Variants in SIM1 observed in about 807,000 individuals in gnomAD.
SIM1 encodes the protein single-minded homolog 1.
A neutral mutation model predicts 78.2 loss-of-function variants in SIM1; 18 were observed. The observed-to-expected ratio is 0.23, with a 90% CI of 0.16 to 0.34. The LOEUF (loss-of-function observed/expected upper bound fraction) is 0.34, where lower values mean the gene tolerates loss of function less well. SIM1 is among the 10% of genes least tolerant of loss of function. The probability of loss-of-function intolerance (pLI) is 1.00; values close to 1 mark genes in which losing one functional copy is unlikely to be tolerated. For missense variants in SIM1, 939 were observed against 975.1 expected (o/e 0.96, Z 0.49); for synonymous variants, 417 against 385.2 (o/e 1.08, Z -0.97).
At chr6:100,449,529 TG>T (rs1772456190) in intron 5 of SIM1, 61 bp downstream of exon 5, 1 of 1,585,954 alleles carries the variant, frequency 6.3e-7, no homozygotes, top group African/African-American at 1.3e-5. Flanking sequence ...CACGACTAAT[TG>T]GGGAAAAACC....
At chr6:100,426,936 GA>G (rs1397114188) in intron 9 of SIM1, among the ~76,000 whole-genome samples, 1 of 152,192 alleles carries the variant, frequency 6.6e-6, no homozygotes, top group Non-Finnish European at 1.5e-5. Context: ...AATTACCAAG[GA>G]AACGTGGAAA....
chr6:100,461,915 A>G (rs1296972553), intron 2 of SIM1, among the ~76,000 whole-genome samples: 1 of 146,292 alleles, frequency 6.8e-6, no homozygotes, highest in African/African-American at 2.6e-5. Context: ...TTCCAGGGTC[A>G]GAGAAGAACT....
chr6:100,408,501 T>C (rs1771108221), intron 10 of SIM1, among the ~76,000 whole-genome samples: 1 of 152,090 alleles, frequency 6.6e-6, no homozygotes, highest in Non-Finnish European at 1.5e-5. Context: ...TTATTCCTGG[T>C]CTTAGAGGGA....
rs1166458499 is a variant in SIM1 at position 100,450,255 on chromosome 6, C to T, written c.348+12G>A. 6.2e-7 allele frequency: 1 copy of T among 1,610,536 alleles called. No homozygotes were observed. Among genetic ancestry groups the T allele is most frequent in the Non-Finnish European group, 8.5e-7 (1 of 1,176,868 alleles). On this transcript the variant is annotated intron_variant, in intron 4 of 11. Coordinates refer to ENST00000369208, the MANE Select transcript of SIM1 (RefSeq NM_005068.3). ...AAACACTGCAGGTGGGATATGTGAACCACTCACCTACCTGAGAAAGACCCA... is the reference window on the plus strand; with the variant it reads ...AAACACTGCAGGTGGGATATGTGAATCACTCACCTACCTGAGAAAGACCCA...
chr6:100,421,801 A>G (rs983075164), intron 9 of SIM1, among the ~76,000 whole-genome samples: 1 of 152,140 alleles, frequency 6.6e-6, no homozygotes, highest in African/African-American at 2.4e-5. Flanking sequence ...CGGACTCCTC[A>G]GTTTTCATAA....
chr6:100,441,909 T>A (rs981711629), intron 9 of SIM1, among the ~76,000 whole-genome samples: 2 of 152,158 alleles, frequency 1.3e-5, no homozygotes, highest in African/African-American at 4.8e-5. Context: ...TTCAAATCCA[T>A]CCCTGTCTCT....
chr6:100,399,086 T>C (rs1054683850), intron 10 of SIM1, among the ~76,000 whole-genome samples: 1 of 152,084 alleles, frequency 6.6e-6, no homozygotes, highest in Admixed American at 6.6e-5. Context: ...TTGTCATTTG[T>C]AAATCTTTGG....
At position 100,402,259 on chromosome 6, in the gene SIM1, T is replaced by C. The variant is rs182680319; in HGVS notation, c.1168-8370A>G. 3.4e-3 allele frequency among the ~76,000 whole-genome samples: 512 copies of C among 152,212 alleles called. 2 individuals carry two copies. Among genetic ancestry groups the C allele is most frequent in the African/African-American group, 0.012 (501 of 41,524 alleles). On this transcript the variant is annotated intron_variant, in intron 10 of 11. Transcript: ENST00000369208. ...AAACCTTGTTTTCAGTACCATCTTATAGGCAGGAAAAGATAAGATATATAT... is the reference window on the plus strand; with the variant it reads ...AAACCTTGTTTTCAGTACCATCTTACAGGCAGGAAAAGATAAGATATATAT...
chr6:100,393,820 C>T lies in SIM1; in HGVS notation c.1237G>A (p.Asp413Asn), dbSNP rs761537612. Residue 413 changes from aspartate to asparagine, a missense_variant, in exon 11 of 12, where the codon GAC becomes AAC. By Grantham distance (23) the Asp-to-Asn change is conservative. This residue lies in a region of SIM1 where 556 missense variants were observed against 521.9 expected (regional missense o/e 1.07). Coordinates refer to ENST00000369208, the MANE Select transcript of SIM1 (RefSeq NM_005068.3). ...DSQWGGSPLT[D>N]TASPQLLDPA... is the part of the protein sequence containing the mutation. ...TCCAGAAGCTGCGGAGAGGCCGTGT[C>T]GGTCAAGGGACTTCCGCCCCACTGG... is the stretch of plus-strand genomic sequence containing the variant. 3.1e-6 allele frequency: 5 copies of T among 1,610,918 alleles called. No individual in the cohort carries two copies. The East Asian group carries it at 8.9e-5, about 29-fold the overall frequency.
chr6:100,460,265 G>A (rs1260053482), intron 2 of SIM1, among the ~76,000 whole-genome samples: 1 of 152,070 alleles, frequency 6.6e-6, no homozygotes, highest in Non-Finnish European at 1.5e-5. Flanking sequence ...AGTGTATTCG[G>A]CAAATGAGAA....
At chr6:100,393,354 T>C in intron 11 of SIM1, 133 bp downstream of exon 11, 1 of 812,130 alleles carries the variant, frequency 1.2e-6, no homozygotes, top group Admixed American at 3.4e-5. Context: ...GTGAACTTTG[T>C]TTTTAATCCC....
rs200989253 is a variant in SIM1 at position 100,390,330 on chromosome 6, T to C, written c.*31A>G. 21 of 1,591,312 alleles carry C rather than the reference T, an allele frequency of 1.3e-5. No homozygotes were observed. The African/African-American group carries it at 2.4e-4, about 18-fold the overall frequency. ...TTAAACTATAAATATGTTTCAGAGA[T>C]CCTTAAAGAACAAAATATTTCAGCA... On this transcript the variant is annotated 3_prime_UTR_variant, in exon 12 of 12. Coordinates refer to ENST00000369208, the MANE Select transcript of SIM1 (RefSeq NM_005068.3).
At chr6:100,438,761 T>A (rs1044099972) in intron 9 of SIM1, among the ~76,000 whole-genome samples, 1 of 152,222 alleles carries the variant, frequency 6.6e-6, no homozygotes, top group Non-Finnish European at 1.5e-5. Context: ...ATATATATAC[T>A]GTGGAATATC....
chr6:100,408,057 G>A (rs1348242468), intron 10 of SIM1, among the ~76,000 whole-genome samples: 4 of 152,002 alleles, frequency 2.6e-5, no homozygotes, highest in African/African-American at 9.7e-5. Flanking sequence ...TCATTATCAA[G>A]ACCTATGTCA....
intron 9 of SIM1, among the ~76,000 whole-genome samples, chr6:100,441,954 C>T (rs1772230047): frequency 6.6e-6 from 1 of 152,198 alleles, no homozygotes. Context: ...TCCACTTCCA[C>T]CCCTATACAC....
rs535914827 is a variant in SIM1 at position 100,390,135 on chromosome 6, T to C, written c.*226A>G. 1.5e-5 allele frequency: 8 copies of C among 550,254 alleles called. No individual in the cohort carries two copies. The highest frequency in any genetic ancestry group is 2.5e-5 in the Non-Finnish European group (8 of 315,066). 34.1% of individuals were successfully genotyped at this position (550,254 alleles called of 1,614,324 possible). On this transcript the variant is annotated 3_prime_UTR_variant, in exon 12 of 12. Coordinates refer to ENST00000369208, the MANE Select transcript of SIM1 (RefSeq NM_005068.3). Reference sequence around the variant, plus strand: ...CAAAATTTATCTATTCTGGTTCCCATATAATTAGAGGGGAAATTTGTGTAT... The same window carrying C: ...CAAAATTTATCTATTCTGGTTCCCACATAATTAGAGGGGAAATTTGTGTAT...
intron 3 of SIM1, among the ~76,000 whole-genome samples, chr6:100,453,231 G>A (rs191152300): frequency 1.1e-3 from 173 of 152,334 alleles, no homozygotes; most frequent in African/African-American, 3.9e-3. Flanking sequence ...ACACAGCCTG[G>A]GCTGGCTTGC....
rs183120171 is a variant in SIM1 at position 100,437,081 on chromosome 6, A to T, written c.998+10187T>A. ...AATAGAGAGATAGTGTAGTTAAGCAATTTGTCCATAGTCACTGGGCTAATG... is the reference window on the plus strand; with the variant it reads ...AATAGAGAGATAGTGTAGTTAAGCATTTTGTCCATAGTCACTGGGCTAATG... On this transcript the variant is annotated intron_variant, in intron 9 of 11. Transcript: ENST00000369208. Among the ~76,000 whole-genome samples the T allele has an allele frequency of 3.3e-5, 5 of 152,222 alleles. No homozygotes were observed. In the East Asian group the frequency reaches 7.7e-4, roughly 23 times the overall value.
chr6:100,385,997 G>A lies in SIM1; in HGVS notation c.*4364C>T, dbSNP rs949937079. On this transcript the variant is annotated 3_prime_UTR_variant, in exon 12 of 12. Transcript: ENST00000369208. ...ATTCATTTAAAATTTAGATGATAAC[G>A]AATGTTTTATCCACAATTAGTTCCA... 3 of 151,840 alleles carry A rather than the reference G, an allele frequency of 2.0e-5. No individual in the cohort carries two copies. The highest frequency in any genetic ancestry group is 7.3e-5 in the African/African-American group (3 of 41,356). The allele number at this position is 151,840 out of a possible 1,614,324, so 9.4% of individuals were successfully genotyped here. A position where few individuals can be genotyped will look rare whatever the true frequency, so the allele number is the denominator to read the frequency against.
Sources: gnomAD v4.1 joint callset for allele counts (sites outside exome capture counted in the v4.1 genomes callset) on GRCh38, gnomAD v4.1.1 for gene constraint, gnomAD v4.1.1 regional missense constraint, MANE v1.5 for transcripts, NCBI Gene and HGNC (gene_info 2026-07-23, HGNC 2026-07-21) for gene names.